The following NRG3 variants were observed in gnomAD, a reference collection of about 807,000 sequenced individuals.
NRG3 encodes the protein neuregulin 3, also known as pro-neuregulin-3, membrane-bound isoform.
In NRG3, 31 loss-of-function variants were observed where a neutral mutation model predicts 66.9. That is an observed-to-expected ratio of 0.46 (90% CI 0.35 to 0.63). The LOEUF (loss-of-function observed/expected upper bound fraction) is 0.63, where lower values mean the gene tolerates loss of function less well. Among genes scored for constraint, NRG3 ranks in the 20% least tolerant of loss-of-function variants. The pLI is 0.00. For synonymous variants in NRG3, 393 were observed against 359.4 expected (o/e 1.09, Z -1.06); for missense variants, 910 against 878.9 (o/e 1.04, Z -0.45).
At chr10:82,551,909 CT>C (rs2044333299) in intron 2 of NRG3, among the ~76,000 whole-genome samples, 1 of 151,770 alleles carries the variant, frequency 6.6e-6, no homozygotes, top group Non-Finnish European at 1.5e-5. Context: ...TCTTTTGTGT[CT>C]TTTTTAGTCT....
intron 4 of NRG3, among the ~76,000 whole-genome samples, chr10:82,931,513 C>G (rs1184035021): frequency 1.3e-5 from 2 of 152,144 alleles, no homozygotes; most frequent in Admixed American, 6.5e-5. Flanking sequence ...GAGTACCTGC[C>G]ACAGAATTAT....
chr10:82,837,993 T>A (rs150136704), intron 3 of NRG3, among the ~76,000 whole-genome samples: 1 of 152,266 alleles, frequency 6.6e-6, no homozygotes, highest in African/African-American at 2.4e-5. Flanking sequence ...ATAGGCTCAA[T>A]AGAATGTTAT....
intron 1 of NRG3, among the ~76,000 whole-genome samples, chr10:82,015,787 A>G (rs995554053): frequency 1.5e-4 from 23 of 151,936 alleles, no homozygotes; most frequent in Admixed American, 1.3e-3. Context: ...GTAAATAGCC[A>G]TATGACTGTA....
chr10:82,204,332 T>C (rs959104572), intron 1 of NRG3, among the ~76,000 whole-genome samples: 12 of 152,232 alleles, frequency 7.9e-5, no homozygotes, highest in African/African-American at 2.7e-4. Flanking sequence ...TAGTTCTCCA[T>C]TGACTCTCTC....
intron 1 of NRG3, among the ~76,000 whole-genome samples, chr10:82,146,994 A>G (rs2132714705): frequency 6.6e-6 from 1 of 152,190 alleles, no homozygotes; most frequent in Admixed American, 6.5e-5. Flanking sequence ...TAGTACCTGG[A>G]TTTTCACCCA....
intron 2 of NRG3, among the ~76,000 whole-genome samples, chr10:82,563,114 C>A (rs1481625408): frequency 6.6e-6 from 1 of 152,014 alleles, no homozygotes; most frequent in Non-Finnish European, 1.5e-5. Context: ...GCATCCAGAT[C>A]CATAGTCATT....
intron 4 of NRG3, among the ~76,000 whole-genome samples, chr10:82,920,302 A>G (rs1846302024): frequency 1.3e-5 from 2 of 152,140 alleles, no homozygotes; most frequent in South Asian, 2.1e-4. Flanking sequence ...TAAGAAACTG[A>G]TGGTAGTTGG....
chr10:82,051,814 A>G (rs1009615565), intron 1 of NRG3, among the ~76,000 whole-genome samples: 1 of 152,098 alleles, frequency 6.6e-6, no homozygotes, highest in Non-Finnish European at 1.5e-5. Context: ...ATGATCAGTC[A>G]ACTATCTCTG....
At chr10:82,348,018 T>C (rs1336440094) in intron 1 of NRG3, among the ~76,000 whole-genome samples, 2 of 152,090 alleles carry the variant, frequency 1.3e-5, no homozygotes, top group Non-Finnish European at 1.5e-5. Context: ...TGACTCTTTA[T>C]CCAATTTCCC....
At chr10:82,129,395 C>T (rs1277790692) in intron 1 of NRG3, among the ~76,000 whole-genome samples, 1 of 152,072 alleles carries the variant, frequency 6.6e-6, no homozygotes, top group East Asian at 1.9e-4. Context: ...CTTATCTCCT[C>T]TATAGATTTC....
rs543937935 is a variant in NRG3, at chr10:82,925,819, G to A, written c.1055-25650G>A. ...TGTGTAGAACTAGCAGCTTAAACTG[G>A]AAAGATGACCTATTGCCTTAGTCTT... On this transcript the variant is annotated intron_variant, in intron 4 of 8. Coordinates refer to ENST00000372141, the MANE Select transcript of NRG3 (RefSeq NM_001010848.4). Among the ~76,000 whole-genome samples, 3 of 152,072 alleles carry A rather than the reference G, an allele frequency of 2.0e-5. No individual in the cohort carries two copies. In the East Asian group the frequency reaches 5.8e-4, roughly 30 times the overall value.
intron 1 of NRG3, among the ~76,000 whole-genome samples, chr10:82,008,016 ATACT>A (rs1319571158): frequency 7.9e-5 from 12 of 152,168 alleles, no homozygotes; most frequent in South Asian, 4.1e-4. Context: ...TATTCAACAG[ATACT>A]TACTGATTGC....
intron 5 of NRG3, among the ~76,000 whole-genome samples, chr10:82,954,972 T>A (rs1383178421): frequency 6.6e-6 from 1 of 151,910 alleles, no homozygotes; most frequent in Non-Finnish European, 1.5e-5. Flanking sequence ...CCCCAAGTCT[T>A]CCAGGATTCT....
At chr10:81,890,057 T>A (rs1054943515) in intron 1 of NRG3, among the ~76,000 whole-genome samples, 2 of 152,166 alleles carry the variant, frequency 1.3e-5, no homozygotes, top group African/African-American at 4.8e-5. Flanking sequence ...TCTAAGGAGC[T>A]CTATTACTTC....
At chr10:82,727,479 C>T (rs1191011532) in intron 2 of NRG3, among the ~76,000 whole-genome samples, 1 of 152,220 alleles carries the variant, frequency 6.6e-6, no homozygotes, top group Non-Finnish European at 1.5e-5. Context: ...AAGCACCAAG[C>T]CTTGGCTTCC....
chr10:82,611,979 A>G (rs920872315), intron 2 of NRG3, among the ~76,000 whole-genome samples: 2 of 152,212 alleles, frequency 1.3e-5, no homozygotes, highest in African/African-American at 4.8e-5. Flanking sequence ...GTGAGATGGT[A>G]TCTCATTGTG....
In NRG3 at chr10:82,018,685, C is replaced by A. The variant is rs2061908269; in HGVS notation, c.823+142522C>A. Among the ~76,000 whole-genome samples the A allele has an allele frequency of 2.0e-5, 3 of 152,232 alleles. No homozygotes were observed. The South Asian group carries it at 6.2e-4, about 32-fold the overall frequency. ...AAGTTGGATCCCTAGGTATTGTATTCTCTTTGAAGCAATTGTGAATGGGAG... is the reference window on the plus strand; with the variant it reads ...AAGTTGGATCCCTAGGTATTGTATTATCTTTGAAGCAATTGTGAATGGGAG... On this transcript the variant is annotated intron_variant, in intron 1 of 8. Transcript: ENST00000372141.
chr10:82,829,160 T>G (rs1008861353), intron 3 of NRG3, among the ~76,000 whole-genome samples: 2 of 152,152 alleles, frequency 1.3e-5, no homozygotes, highest in Admixed American at 1.3e-4. Flanking sequence ...TGGCCTATAT[T>G]GGATACAAAG....
chr10:82,629,634 T>C (rs962623394), intron 2 of NRG3, among the ~76,000 whole-genome samples: 1 of 152,202 alleles, frequency 6.6e-6, no homozygotes, highest in Non-Finnish European at 1.5e-5. Flanking sequence ...TGGATGTATA[T>C]GCTTGAGTTA....
Sources: allele counts gnomAD v4.1 joint callset (sites outside exome capture counted in the v4.1 genomes callset), GRCh38; gene constraint gnomAD v4.1.1; transcripts MANE v1.5; gene names NCBI Gene and HGNC (gene_info 2026-07-23, HGNC 2026-07-21).